Variants in LPCAT1 observed in about 807,000 individuals in gnomAD.
LPCAT1 encodes 1-acylglycerol-3-phosphate O-acyltransferase.
Under a neutral mutation model 60.9 loss-of-function variants are expected in LPCAT1, and 23 were observed. The ratio of observed to expected loss-of-function variants is 0.38; its 90% CI spans 0.27 to 0.53. LPCAT1 has a LOEUF of 0.53. Ranked by LOEUF, LPCAT1 falls within the 20% of genes least tolerant of loss-of-function variation. The pLI is 0.82. For missense variants in LPCAT1, 622 were observed against 723.6 expected, an observed-to-expected ratio of 0.86 and a Z score of 1.61; for synonymous variants, 340 against 301.1, an observed-to-expected ratio of 1.13 and a Z score of -1.34.
At chr5:1,501,639 T>C (rs1039999745) in intron 1 of LPCAT1, 36 bp from the exon 2 acceptor site, 11 of 1,608,784 alleles carry the variant, frequency 6.8e-6, no homozygotes, top group East Asian at 2.2e-5. Context: ...AGAGAATCCA[T>C]GTAGGACACC....
chr5:1,520,767 G>T (rs1405987891), intron 1 of LPCAT1, among the ~76,000 whole-genome samples: 1 of 149,920 alleles, frequency 6.7e-6, no homozygotes, highest in Non-Finnish European at 1.5e-5. Context: ...GGAGGCTGAG[G>T]CAGGAGAATG....
At chr5:1,471,783 G>T (rs1734678078) in intron 11 of LPCAT1, among the ~76,000 whole-genome samples, 1 of 151,756 alleles carries the variant, frequency 6.6e-6, no homozygotes, top group Non-Finnish European at 1.5e-5. Context: ...GAGGACTCTG[G>T]CCAGACAGCA....
At chr5:1,501,381 C>T in intron 2 of LPCAT1, 80 bp downstream of exon 2, 1 of 1,506,672 alleles carries the variant, frequency 6.6e-7, no homozygotes, top group Non-Finnish European at 9.0e-7. Flanking sequence ...AGACACACAA[C>T]CCCACTGTGA....
intron 1 of LPCAT1, among the ~76,000 whole-genome samples, chr5:1,519,847 T>C (rs974679972): frequency 5.3e-5 from 8 of 152,320 alleles, no homozygotes; most frequent in Non-Finnish European, 1.0e-4. Context: ...CAGCAGGCCC[T>C]GTACAGCCCT....
chr5:1,501,487 G>A lies in LPCAT1; in HGVS notation c.252C>T (p.Pro84=), dbSNP rs141688817. 195 of 1,613,428 alleles carry A rather than the reference G, an allele frequency of 1.2e-4. No homozygotes were observed. The African/African-American group carries it at 1.7e-3, about 14-fold the overall frequency. ...TCCTCCACAGGGCCGGGGGCTGCTCGGGTTCCTTCTCCGCAGAGCCCAGGG... is the reference window on the plus strand; with the variant it reads ...TCCTCCACAGGGCCGGGGGCTGCTCAGGTTCCTTCTCCGCAGAGCCCAGGG... ...VASLGSAEKE[P]EQPPALWRKV... Residue 84 remains proline, a synonymous_variant, in exon 2 of 14, where the codon CCC becomes CCT. Transcript: ENST00000283415.
chr5:1,509,373 CGA>C (rs1310182361), intron 1 of LPCAT1, among the ~76,000 whole-genome samples: 1 of 152,252 alleles, frequency 6.6e-6, no homozygotes, highest in Non-Finnish European at 1.5e-5. Context: ...TGCAAATCCA[CGA>C]GAGAACGTGC....
At chr5:1,492,553 ATCC>A (rs1735629599) in intron 3 of LPCAT1, among the ~76,000 whole-genome samples, 1 of 142,846 alleles carries the variant, frequency 7.0e-6, no homozygotes. Context: ...GCTTGTCACT[ATCC>A]TCTCCCTCGC....
At position 1,522,010 on chromosome 5, in the gene LPCAT1, G is replaced by A. The variant is rs1205144385; in HGVS notation, c.135+1700C>T. On this transcript the variant is annotated intron_variant, in intron 1 of 13. Coordinates refer to ENST00000283415, the MANE Select transcript of LPCAT1 (RefSeq NM_024830.5). This position sits in a 1 kb window ranked among gnomAD's most constrained non-coding sequence, Gnocchi z 6.8. ...CAGGGATGACGAAGTGGCCTCCGGG[G>A]ACCTCCAGGGAGGGGCTTGATGTTT... is the stretch of plus-strand genomic sequence containing the variant. Among the ~76,000 whole-genome samples, 1 of 152,218 alleles carries A rather than the reference G, an allele frequency of 6.6e-6. No individual in the cohort carries two copies. Among genetic ancestry groups the A allele is most frequent in the Non-Finnish European group, 1.5e-5 (1 of 68,036 alleles).
At position 1,463,588 on chromosome 5, in the gene LPCAT1, CAA is replaced by C; in HGVS notation, c.*61_*62del. 1.3e-6 allele frequency: 2 copies of C among 1,575,672 alleles called. No individual in the cohort carries two copies. The highest frequency in any genetic ancestry group is 1.7e-6 in the Non-Finnish European group (2 of 1,155,624). Reference sequence around the variant, plus strand: ...AGGAGCGGAGCCCAGAGGTCACTCGCAAAGAGGCTCATGGCGGTGATGTCCAC... The same window carrying C: ...AGGAGCGGAGCCCAGAGGTCACTCGCAGAGGCTCATGGCGGTGATGTCCAC... On this transcript the variant is annotated 3_prime_UTR_variant, in exon 14 of 14. Coordinates refer to ENST00000283415, the MANE Select transcript of LPCAT1 (RefSeq NM_024830.5).
intron 8 of LPCAT1, 186 bp downstream of exon 8, chr5:1,479,435 G>A: frequency 1.7e-6 from 1 of 604,180 alleles, no homozygotes; most frequent in South Asian, 2.0e-5. Context: ...ACTCATAAGA[G>A]AGACATAAAG....
intron 1 of LPCAT1, among the ~76,000 whole-genome samples, chr5:1,520,148 A>G (rs1371276592): frequency 6.6e-6 from 1 of 152,250 alleles, no homozygotes. Context: ...CACTGCAAAC[A>G]CAGCCATCCA....
chr5:1,464,672 CA>C (rs1256763281), intron 13 of LPCAT1, among the ~76,000 whole-genome samples: 1 of 134,900 alleles, frequency 7.4e-6, no homozygotes, highest in Non-Finnish European at 1.5e-5. Context: ...AGCACGCACA[CA>C]CACGGTAAAC....
rs1322334852 is a variant in LPCAT1, at chr5:1,521,963, C to A, written c.135+1747G>T. Among the ~76,000 whole-genome samples, 1 of 152,214 alleles carries A rather than the reference C, an allele frequency of 6.6e-6. No individual in the cohort carries two copies. The highest frequency in any genetic ancestry group is 2.4e-5 in the African/African-American group (1 of 41,464). On this transcript the variant is annotated intron_variant, in intron 1 of 13. Coordinates refer to ENST00000283415, the MANE Select transcript of LPCAT1 (RefSeq NM_024830.5). This position sits in a 1 kb window ranked among gnomAD's most constrained non-coding sequence, Gnocchi z 4.3. Reference sequence around the variant, plus strand: ...GCACACTTTTGGACAGAACACACCTCAACCGGGGGCTGCAACTATGACAGG... The same window carrying A: ...GCACACTTTTGGACAGAACACACCTAAACCGGGGGCTGCAACTATGACAGG...
chr5:1,491,214 G>T (rs61285505), intron 3 of LPCAT1, among the ~76,000 whole-genome samples: 6 of 112,370 alleles, frequency 5.3e-5, no homozygotes, highest in Non-Finnish European at 8.6e-5. Context: ...TAAAAAGGAC[G>T]ATATCGGAAG....
rs911992515 is a variant in LPCAT1 at position 1,477,418 on chromosome 5, C to G, written c.885G>C (p.Arg295=). 2 of 1,614,040 alleles carry G rather than the reference C, an allele frequency of 1.2e-6. No individual in the cohort carries two copies. The highest frequency in any genetic ancestry group is 1.7e-6 in the Non-Finnish European group (2 of 1,179,954). The change falls in exon 9 of 14, where the codon CGG becomes CGC. Residue 295 remains arginine, a synonymous_variant. Coordinates refer to ENST00000283415, the MANE Select transcript of LPCAT1 (RefSeq NM_024830.5). This position sits in a 1 kb window ranked among gnomAD's most constrained non-coding sequence, Gnocchi z 6.0. ...RNPALYASNV[R]RVMAEALGVS... The stretch of plus-strand genomic sequence containing the variant: ...TGCTCACTTACTCGGCCATGACTCG[C>G]CGCACGTTGCTGGCATACAGCGCGG...
Position 1,483,689 on chromosome 5 carries a change from C to T in LPCAT1, c.668-203G>A, listed in dbSNP as rs542122734. 2.6e-5 allele frequency among the ~76,000 whole-genome samples: 4 copies of T among 152,372 alleles called. No homozygotes were observed. The highest frequency in any genetic ancestry group is 4.1e-4 in the South Asian group (2 of 4,824). On this transcript the variant is annotated intron_variant, in intron 5 of 13. Transcript: ENST00000283415. This position sits in a 1 kb window ranked among gnomAD's most constrained non-coding sequence, Gnocchi z 9.2. The stretch of plus-strand genomic sequence containing the variant: ...CCACAGCACGGATGGGCAGGAACAT[C>T]GGCCAGGGGCGCTCCCCGGCCAAGG...
At chr5:1,485,810 A>T (rs1735350765) in intron 5 of LPCAT1, among the ~76,000 whole-genome samples, 1 of 151,562 alleles carries the variant, frequency 6.6e-6, no homozygotes, top group Non-Finnish European at 1.5e-5. Context: ...CAGCCCGTGC[A>T]GGGAGGCCAG....
At chr5:1,467,547 C>T (rs1278921507) in intron 12 of LPCAT1, among the ~76,000 whole-genome samples, 1 of 152,172 alleles carries the variant, frequency 6.6e-6, no homozygotes, top group Non-Finnish European at 1.5e-5. Flanking sequence ...GCGCCTGCCG[C>T]CCGCTCCCCA....
intron 1 of LPCAT1, among the ~76,000 whole-genome samples, chr5:1,505,626 T>C (rs1235848070): frequency 2.6e-5 from 4 of 152,248 alleles, no homozygotes; most frequent in Non-Finnish European, 5.9e-5. Flanking sequence ...AGTGGGGGGA[T>C]GCACTGTGAG....
Sources: gnomAD v4.1 joint callset for allele counts (sites outside exome capture counted in the v4.1 genomes callset) on GRCh38, gnomAD v4.1.1 for gene constraint, Gnocchi (gnomAD v3.1) non-coding constraint, MANE v1.5 for transcripts, NCBI Gene and HGNC (gene_info 2026-07-23, HGNC 2026-07-21) for gene names.